NAALADL2: variants seen among roughly 807,000 people sequenced by gnomAD.
NAALADL2 encodes the protein N-acetylated alpha-linked acidic dipeptidase like 2.
NAALADL2 carries 76 observed loss-of-function variants against 87.2 expected under a neutral mutation model. That is an observed-to-expected ratio of 0.87 (90% CI 0.72 to 1.05). The LOEUF (loss-of-function observed/expected upper bound fraction) is 1.05, where lower values mean the gene tolerates loss of function less well. Among genes scored for constraint, NAALADL2 ranks in the 50% least tolerant of loss-of-function variants. The pLI is 0.00. For missense variants in NAALADL2, 1,089 were observed against 945.8 expected (o/e 1.15, Z -1.99); for synonymous variants, 354 against 331.0 (o/e 1.07, Z -0.75).
At chr3:175,765,089 A>G (rs1052022743) in intron 13 of NAALADL2, among the ~76,000 whole-genome samples, 4 of 152,118 alleles carry the variant, frequency 2.6e-5, no homozygotes, top group African/African-American at 7.2e-5. Context: ...GTGATTAAGA[A>G]TTACCATAAT....
intron 3 of NAALADL2, among the ~76,000 whole-genome samples, chr3:175,242,073 G>T (rs1447706066): frequency 6.6e-6 from 1 of 151,572 alleles, no homozygotes; most frequent in Non-Finnish European, 1.5e-5. Context: ...TGTTGGCCAG[G>T]CTGGTCTTGA....
chr3:175,005,170 A>T (rs1329822878), intron 1 of NAALADL2, among the ~76,000 whole-genome samples: 3 of 152,196 alleles, frequency 2.0e-5, no homozygotes, highest in Non-Finnish European at 4.4e-5. Flanking sequence ...AAATCATTTA[A>T]TATTCAGAAA....
intron 11 of NAALADL2, among the ~76,000 whole-genome samples, chr3:175,647,392 T>C (rs1730160243): frequency 6.6e-6 from 1 of 152,152 alleles, no homozygotes; most frequent in Admixed American, 6.5e-5. Flanking sequence ...TGTATATTGA[T>C]TTAAGTTGCT....
chr3:174,441,564 G>C (rs1014715981), intron 1 of NAALADL2, among the ~76,000 whole-genome samples: 2 of 152,304 alleles, frequency 1.3e-5, no homozygotes, highest in African/African-American at 2.4e-5. Context: ...GGACGCCCAG[G>C]ATGGCTTTCT....
chr3:175,642,547 T>C lies in NAALADL2; in HGVS notation c.1896+15161T>C, dbSNP rs182645683. ...ACAGCGTCTCGCTCTGTCGCCCAGG[T>C]TGGAGTGCAGTGGTGCGATCTCGGC... On this transcript the variant is annotated intron_variant, in intron 11 of 13. Coordinates refer to ENST00000454872, the MANE Select transcript of NAALADL2 (RefSeq NM_207015.3). Among the ~76,000 whole-genome samples, 502 of 150,828 alleles carry C rather than the reference T, an allele frequency of 3.3e-3. 4 individuals carry two copies. Among genetic ancestry groups the C allele is most frequent in the African/African-American group, 0.012 (473 of 40,882 alleles).
intron 1 of NAALADL2, among the ~76,000 whole-genome samples, chr3:174,882,873 GTGTATATGTGTATATA>G: frequency 6.9e-6 from 1 of 145,816 alleles, no homozygotes; most frequent in African/African-American, 2.6e-5. Context: ...ATGTGTATAT[GTGTATATGTGTATATA>G]TGTATATATA....
intron 1 of NAALADL2, among the ~76,000 whole-genome samples, chr3:174,882,511 A>G (rs1208097804): frequency 6.8e-6 from 1 of 147,342 alleles, no homozygotes; most frequent in East Asian, 2.0e-4. Flanking sequence ...ATGTGTATAT[A>G]CATATGTGCA....
intron 1 of NAALADL2, among the ~76,000 whole-genome samples, chr3:175,017,860 G>A (rs1277759284): frequency 6.6e-6 from 1 of 151,980 alleles, no homozygotes; most frequent in East Asian, 1.9e-4. Context: ...TGTCTTCTGT[G>A]GGCAGCTTTT....
intron 6 of NAALADL2, among the ~76,000 whole-genome samples, chr3:175,451,313 T>C (rs556458223): frequency 2.8e-3 from 432 of 152,202 alleles, no homozygotes; most frequent in Non-Finnish European, 4.9e-3. Flanking sequence ...TGGGCATTTG[T>C]ATCGCTGCGA....
intron 1 of NAALADL2, among the ~76,000 whole-genome samples, chr3:174,548,837 A>C (rs77753501): frequency 0.1 from 15,942 of 152,070 alleles, 1,704 homozygotes; most frequent in East Asian, 0.48. Flanking sequence ...GCTAATATAT[A>C]TTTTATTATT....
chr3:174,748,583 C>G (rs1429109610), intron 3 of NAALADL2, among the ~76,000 whole-genome samples: 1 of 152,120 alleles, frequency 6.6e-6, no homozygotes, highest in Non-Finnish European at 1.5e-5. Context: ...CACCAGGAGA[C>G]TAATACAATG....
chr3:175,431,693 T>A (rs926025349), intron 5 of NAALADL2, among the ~76,000 whole-genome samples: 1 of 152,028 alleles, frequency 6.6e-6, no homozygotes, highest in Non-Finnish European at 1.5e-5. Flanking sequence ...AAGTGTTCTG[T>A]GTGAACAGGT....
intron 1 of NAALADL2, among the ~76,000 whole-genome samples, chr3:174,872,781 G>C (rs550845473): frequency 4.0e-5 from 6 of 151,884 alleles, no homozygotes; most frequent in South Asian, 2.1e-4. Flanking sequence ...AGGTTTCTCT[G>C]ATAAACATTC....
chr3:175,053,351 C>T (rs1019542450), intron 1 of NAALADL2, among the ~76,000 whole-genome samples: 2 of 152,124 alleles, frequency 1.3e-5, no homozygotes, highest in African/African-American at 2.4e-5. Flanking sequence ...ATTGTTGTCC[C>T]GCTTTCCTCA....
At chr3:175,633,996 G>A (rs1267816899) in intron 11 of NAALADL2, among the ~76,000 whole-genome samples, 1 of 151,720 alleles carries the variant, frequency 6.6e-6, no homozygotes, top group Admixed American at 6.6e-5. Flanking sequence ...TTAAGTTTCA[G>A]AATAAGAAAA....
chr3:174,971,075 A>T (rs1743567328), intron 1 of NAALADL2, among the ~76,000 whole-genome samples: 1 of 152,140 alleles, frequency 6.6e-6, no homozygotes, highest in South Asian at 2.1e-4. Flanking sequence ...AAGAAGGAAA[A>T]GCAGCAAGCC....
At chr3:174,897,392 A>G (rs1731681750) in intron 1 of NAALADL2, among the ~76,000 whole-genome samples, 1 of 150,350 alleles carries the variant, frequency 6.7e-6, no homozygotes, top group Non-Finnish European at 1.5e-5. Context: ...GACAACATAC[A>G]AATGGCAAAC....
chr3:174,500,953 T>C (rs543128339), intron 1 of NAALADL2, among the ~76,000 whole-genome samples: 2 of 151,900 alleles, frequency 1.3e-5, no homozygotes, highest in Non-Finnish European at 2.9e-5. Context: ...TCTGCCCAGG[T>C]TCAAACAATT....
chr3:174,681,540 C>G (rs550658811), intron 2 of NAALADL2, among the ~76,000 whole-genome samples: 8 of 152,244 alleles, frequency 5.3e-5, no homozygotes, highest in Middle Eastern at 3.4e-3. Context: ...AAACCTGATA[C>G]CCCCATTCCA....
Sources: allele counts gnomAD v4.1 joint callset (sites outside exome capture counted in the v4.1 genomes callset), GRCh38; gene constraint gnomAD v4.1.1; transcripts MANE v1.5; gene names NCBI Gene and HGNC (gene_info 2026-07-23, HGNC 2026-07-21).